The following ELAPOR1 variants were observed in gnomAD, a reference collection of about 807,000 sequenced individuals.
ELAPOR1 encodes endosome-lysosome associated apoptosis and autophagy regulator 1, also known as endosome/lysosome-associated apoptosis and autophagy regulator 1.
A neutral mutation model predicts 119.7 loss-of-function variants in ELAPOR1; 77 were observed. The observed-to-expected ratio is 0.64, with a 90% CI of 0.54 to 0.78. The LOEUF (loss-of-function observed/expected upper bound fraction) is 0.78. Among genes scored for constraint, ELAPOR1 ranks in the 30% least tolerant of loss-of-function variants. The pLI is 0.00. For missense variants in ELAPOR1, 1,115 were observed against 1,270.4 expected (o/e 0.88, Z 1.86); for synonymous variants, 481 against 487.2 (o/e 0.99, Z 0.17).
In ELAPOR1 at chr1:109,161,950, C is replaced by T. The variant is rs368548870; in HGVS notation, c.210C>T (p.Val70=). The T allele has an allele frequency of 6.3e-5, 102 of 1,613,916 alleles. No homozygotes were observed. The highest frequency in any genetic ancestry group is 8.1e-5 in the Non-Finnish European group (95 of 1,179,932). ...ACAGCACGGGTTCCAGGTGGAGGGT[C>T]GCCGTGCCGCATACCCCGGGCCTGT... ...ACDSTGSRWR[V]AVPHTPGLCT... The change falls in exon 2 of 22, where the codon GTC becomes GTT. Residue 70 remains valine, a synonymous_variant. Transcript: ENST00000369939.
Position 109,189,019 on chromosome 1 carries a change from C to A in ELAPOR1, c.1220-47C>A. Reference sequence around the variant, plus strand: ...GTGGCAGCAGCTCCAGTCAGAGTGACTGCAGCCTTCCCACTGAATGCATGG... The same window carrying A: ...GTGGCAGCAGCTCCAGTCAGAGTGAATGCAGCCTTCCCACTGAATGCATGG... On this transcript the variant is annotated intron_variant, in intron 9 of 21. Coordinates refer to ENST00000369939, the MANE Select transcript of ELAPOR1 (RefSeq NM_020775.5). 3 of 1,603,570 alleles carry A rather than the reference C, an allele frequency of 1.9e-6. 1 individual carries two copies. In the South Asian group the frequency reaches 3.3e-5, roughly 18 times the overall value.
intron 7 of ELAPOR1, among the ~76,000 whole-genome samples, chr1:109,180,889 T>C (rs531095957): frequency 2.6e-5 from 4 of 151,816 alleles, no homozygotes; most frequent in Non-Finnish European, 5.9e-5. Flanking sequence ...CACCTGAGCC[T>C]GGGAGGTAGA....
At chr1:109,117,458 TC>T (rs1387446655) in intron 1 of ELAPOR1, among the ~76,000 whole-genome samples, 2 of 152,196 alleles carry the variant, frequency 1.3e-5, no homozygotes, top group Non-Finnish European at 2.9e-5. Flanking sequence ...TCAAAGGGGT[TC>T]CCCAGTCTAT....
At position 109,137,532 on chromosome 1, in the gene ELAPOR1, T is replaced by C. The variant is rs1247358252; in HGVS notation, c.153+23196T>C. On this transcript the variant is annotated intron_variant, in intron 1 of 21. Coordinates refer to ENST00000369939, the MANE Select transcript of ELAPOR1 (RefSeq NM_020775.5). ...ATTTATTTATTTATTTATTTTATTT[T>C]ATTTTATTTTTTGAGGCGGAGTTTC... 2.7e-5 allele frequency among the ~76,000 whole-genome samples: 4 copies of C among 149,336 alleles called. No homozygotes were observed. The East Asian group carries it at 7.9e-4, about 30-fold the overall frequency.
intron 15 of ELAPOR1, 109 bp from the exon 16 acceptor site, chr1:109,197,365 A>G: frequency 2.2e-6 from 2 of 895,518 alleles, no homozygotes; most frequent in Non-Finnish European, 3.5e-6. Flanking sequence ...ACAACATACC[A>G]TTGAAACGCT....
At chr1:109,202,852 G>C in intron 21 of ELAPOR1, 92 bp from the exon 22 acceptor site, 1 of 1,172,818 alleles carries the variant, frequency 8.5e-7, no homozygotes, top group Non-Finnish European at 1.3e-6. Context: ...ATTTCATAAG[G>C]GTTCCTTCTG....
At chr1:109,142,763 T>C (rs906249666) in intron 1 of ELAPOR1, among the ~76,000 whole-genome samples, 1 of 152,210 alleles carries the variant, frequency 6.6e-6, no homozygotes, top group Non-Finnish European at 1.5e-5. Flanking sequence ...AAGTTAAACA[T>C]AGAGTTACCA....
intron 1 of ELAPOR1, among the ~76,000 whole-genome samples, chr1:109,149,391 G>C (rs1463281285): frequency 6.6e-6 from 1 of 152,016 alleles, no homozygotes; most frequent in Non-Finnish European, 1.5e-5. Flanking sequence ...TCAGTTTTGT[G>C]GGGGAGAGCT....
chr1:109,196,950 G>A (rs900707562), intron 15 of ELAPOR1, among the ~76,000 whole-genome samples: 1 of 152,050 alleles, frequency 6.6e-6, no homozygotes, highest in South Asian at 2.1e-4. Flanking sequence ...CGAAGTGCTG[G>A]GATTACAGGT....
At chr1:109,198,428 G>T in intron 17 of ELAPOR1, 145 bp from the exon 18 acceptor site, 1 of 673,986 alleles carries the variant, frequency 1.5e-6, no homozygotes, top group Non-Finnish European at 2.5e-6. Flanking sequence ...ATAAACCAAG[G>T]CCTGTGCACT....
At chr1:109,127,655 C>G (rs1648877881) in intron 1 of ELAPOR1, among the ~76,000 whole-genome samples, 1 of 152,142 alleles carries the variant, frequency 6.6e-6, no homozygotes, top group South Asian at 2.1e-4. Flanking sequence ...CAGCCTTGAG[C>G]TTCTGGGCTC....
At chr1:109,189,398 A>T (rs1026103212) in intron 10 of ELAPOR1, among the ~76,000 whole-genome samples, 194 bp from the exon 11 acceptor site, 2 of 152,232 alleles carry the variant, frequency 1.3e-5, no homozygotes, top group African/African-American at 4.8e-5. Context: ...ATGAGCGTGC[A>T]CTTCAAAGGT....
chr1:109,203,345 A>G lies in ELAPOR1; in HGVS notation c.*333A>G. ...AAAATATTTCTATCTTCTTAAGTAT[A>G]GAAACTATTTCCTCTGTCCTCTAAC... is the stretch of plus-strand genomic sequence containing the variant. On this transcript the variant is annotated 3_prime_UTR_variant, in exon 22 of 22. Coordinates refer to ENST00000369939, the MANE Select transcript of ELAPOR1 (RefSeq NM_020775.5). The G allele has an allele frequency of 3.5e-6, 1 of 288,398 alleles. No individual in the cohort carries two copies. Among genetic ancestry groups the G allele is most frequent in the Non-Finnish European group, 6.4e-6 (1 of 155,084 alleles). The allele number at this position is 288,398 out of a possible 1,614,324, so 17.9% of individuals were successfully genotyped here.
chr1:109,164,720 C>G, intron 3 of ELAPOR1, 29 bp downstream of exon 3: 1 of 1,588,600 alleles, frequency 6.3e-7, no homozygotes. Flanking sequence ...CCACCCCACC[C>G]CCAGCCCACT....
chr1:109,187,534 G>A, intron 8 of ELAPOR1: 1 of 1,001,336 alleles, frequency 1.0e-6, no homozygotes. Flanking sequence ...GTTTTTGTCT[G>A]TGACTCGATC....
chr1:109,132,155 CT>C (rs377413067), intron 1 of ELAPOR1, among the ~76,000 whole-genome samples: 15 of 147,856 alleles, frequency 1.0e-4, no homozygotes, highest in African/African-American at 1.7e-4. Flanking sequence ...ACCAACCAGG[CT>C]TTTTTTTTTG....
At position 109,200,054 on chromosome 1, in the gene ELAPOR1, A is replaced by G; in HGVS notation, c.2629-5A>G. 1 of 1,613,646 alleles carries G rather than the reference A, an allele frequency of 6.2e-7. No individual in the cohort carries two copies. Among genetic ancestry groups the G allele is most frequent in the South Asian group, 1.1e-5 (1 of 91,080 alleles). On this transcript the variant is annotated splice_region_variant and splice_polypyrimidine_tract_variant and intron_variant, in intron 19 of 21. Coordinates refer to ENST00000369939, the MANE Select transcript of ELAPOR1 (RefSeq NM_020775.5). ...ATCTGAGTTCCTTGTTTTTCTCCCC[A>G]ACAGAAGACTACTTACGTGTGGCGA...
Position 109,191,381 on chromosome 1 carries a change from G to A in ELAPOR1, c.1455G>A (p.Val485=). The change falls in exon 12 of 22, where the codon GTG becomes GTA. Residue 485 remains valine, a synonymous_variant. Transcript: ENST00000369939. ...VVPGFRPPQS[V]MADTENKEVA... ...GCCCCTACAGACCTCCGCAGTCGGT[G>A]ATGGCAGACACAGAGAATAAAGAGG... The A allele has an allele frequency of 1.2e-6, 2 of 1,614,040 alleles. No individual in the cohort carries two copies. The highest frequency in any genetic ancestry group is 8.5e-7 in the Non-Finnish European group (1 of 1,179,878).
At chr1:109,120,716 C>T (rs919229812) in intron 1 of ELAPOR1, among the ~76,000 whole-genome samples, 6 of 152,246 alleles carry the variant, frequency 3.9e-5, no homozygotes, top group Middle Eastern at 3.4e-3. Flanking sequence ...GCTGTTTCTT[C>T]AGAGCTCTTG....
Sources: gnomAD v4.1 joint callset for allele counts (sites outside exome capture counted in the v4.1 genomes callset) on GRCh38, gnomAD v4.1.1 for gene constraint, MANE v1.5 for transcripts, NCBI Gene and HGNC (gene_info 2026-07-23, HGNC 2026-07-21) for gene names.